NAE1: variants seen among roughly 807,000 people sequenced by gnomAD.
The protein encoded by NAE1 is NEDD8 activating enzyme E1 subunit 1.
Under a neutral mutation model 88.0 loss-of-function variants are expected in NAE1, and 59 were observed. The ratio of observed to expected loss-of-function variants is 0.67; its 90% CI spans 0.54 to 0.83. The LOEUF (loss-of-function observed/expected upper bound fraction) is 0.83, where lower values mean the gene tolerates loss of function less well. NAE1 is among the 40% of genes least tolerant of loss of function. NAE1 has a pLI of 0.00. For missense variants in NAE1, 554 were observed against 632.8 expected (o/e 0.88, Z 1.34); for synonymous variants, 186 against 208.9 (o/e 0.89, Z 0.95).
intron 11 of NAE1, 33 bp from the exon 12 acceptor site, chr16:66,813,879 A>G (rs745397202): frequency 1.3e-6 from 2 of 1,572,316 alleles, no homozygotes; most frequent in African/African-American, 1.4e-5. Flanking sequence ...TTACTTACAC[A>G]GTATTAAGAA....
At chr16:66,813,740 T>C (rs984809228) in intron 12 of NAE1, 43 bp from the exon 13 acceptor site, 1 of 1,611,394 alleles carries the variant, frequency 6.2e-7, no homozygotes, top group African/African-American at 1.3e-5. Flanking sequence ...GCGTTTTACT[T>C]TGACCCAAAG....
chr16:66,817,710 A>G (rs554886377), intron 8 of NAE1, among the ~76,000 whole-genome samples: 2 of 152,210 alleles, frequency 1.3e-5, no homozygotes, highest in Admixed American at 6.5e-5. Context: ...TATACCAGCA[A>G]AACAGTCTCA....
chr16:66,818,314 T>C (rs1456288554), intron 8 of NAE1, among the ~76,000 whole-genome samples: 4 of 152,202 alleles, frequency 2.6e-5, no homozygotes, highest in African/African-American at 9.6e-5. Flanking sequence ...TACACAGATG[T>C]TCAGTATATG....
chr16:66,827,267 T>C (rs1220799602), intron 1 of NAE1, among the ~76,000 whole-genome samples: 2 of 151,998 alleles, frequency 1.3e-5, no homozygotes, highest in African/African-American at 4.8e-5. Context: ...ATTTCATTTA[T>C]TCTTAAATTA....
At position 66,810,425 on chromosome 16, in the gene NAE1, T is replaced by G. The variant is rs200266348; in HGVS notation, c.1111-12A>C. ...ATGGACTCTGGTGCCTGTAAAGAGA[T>G]AAATACAGATTCTGTTCCAGTTTAA... On this transcript the variant is annotated splice_polypyrimidine_tract_variant and intron_variant, in intron 14 of 19. Coordinates refer to ENST00000290810, the MANE Select transcript of NAE1 (RefSeq NM_003905.4). 4.0e-4 allele frequency: 645 copies of G among 1,595,502 alleles called. No homozygotes were observed. Among genetic ancestry groups the G allele is most frequent in the Non-Finnish European group, 5.0e-4 (584 of 1,165,826 alleles).
At chr16:66,816,390 C>T (rs1314292312) in intron 11 of NAE1, among the ~76,000 whole-genome samples, 191 bp downstream of exon 11, 1 of 152,184 alleles carries the variant, frequency 6.6e-6, no homozygotes, top group African/African-American at 2.4e-5. Context: ...GTCTCGAACT[C>T]CTGACCTCAG....
In NAE1 at chr16:66,830,790, G is replaced by A. The variant is rs538698388; in HGVS notation, c.53+57C>T. The A allele has an allele frequency of 2.8e-5, 41 of 1,482,890 alleles. No individual in the cohort carries two copies. In the Middle Eastern group the frequency reaches 7.3e-4, roughly 26 times the overall value. The allele number at this position is 1,482,890 out of a possible 1,614,324, so 91.9% of individuals were successfully genotyped here. Reference sequence around the variant, plus strand: ...CCGCGCCGCCCGCGCCCTTAGGCCCGGCCCGAATGCTGGAAAGCCCGCCGG... The same window carrying A: ...CCGCGCCGCCCGCGCCCTTAGGCCCAGCCCGAATGCTGGAAAGCCCGCCGG... On this transcript the variant is annotated intron_variant, in intron 1 of 19. Transcript: ENST00000290810.
At chr16:66,815,235 T>C (rs1376328911) in intron 11 of NAE1, among the ~76,000 whole-genome samples, 2 of 152,234 alleles carry the variant, frequency 1.3e-5, no homozygotes, top group Non-Finnish European at 2.9e-5. Flanking sequence ...TTATATTCAG[T>C]GAAATACAGA....
At chr16:66,810,263 T>A in intron 15 of NAE1, 111 bp downstream of exon 15, 1 of 820,488 alleles carries the variant, frequency 1.2e-6, no homozygotes, top group South Asian at 1.5e-5. Flanking sequence ...TATATCTATA[T>A]CACTGAGGCC....
At chr16:66,810,803 A>C in intron 13 of NAE1, 31 bp from the exon 14 acceptor site, 16 of 1,588,476 alleles carry the variant, frequency 1.0e-5, no homozygotes, top group Non-Finnish European at 1.4e-5. Flanking sequence ...ATTACTAACA[A>C]ATTTTTAAAT....
At chr16:66,825,866 T>C (rs1041628031) in intron 3 of NAE1, among the ~76,000 whole-genome samples, 2 of 152,170 alleles carry the variant, frequency 1.3e-5, no homozygotes, top group African/African-American at 2.4e-5. Flanking sequence ...TAAGCAAAGA[T>C]AACAAGACTT....
At chr16:66,824,646 T>C in intron 4 of NAE1, 1 of 413,496 alleles carries the variant, frequency 2.4e-6, no homozygotes, top group Non-Finnish European at 4.3e-6. Flanking sequence ...AAGATTTAGC[T>C]TTAATACAGG....
chr16:66,822,062 T>C (rs1377381351), intron 6 of NAE1, among the ~76,000 whole-genome samples: 1 of 152,092 alleles, frequency 6.6e-6, no homozygotes, highest in Non-Finnish European at 1.5e-5. Context: ...ACACAAGGTT[T>C]TGCCATGTTG....
intron 19 of NAE1, among the ~76,000 whole-genome samples, chr16:66,804,246 A>AC (rs72360746): frequency 0.013 from 2,035 of 151,798 alleles, 21 homozygotes; most frequent in Non-Finnish European, 0.022. Context: ...AAAAAACAAA[A>AC]AAAAAAAAAC....
chr16:66,813,341 A>G, intron 13 of NAE1: 1 of 486,714 alleles, frequency 2.1e-6, no homozygotes. Context: ...AAGTCTCACT[A>G]TGTTGCCCAC....
Position 66,816,581 on chromosome 16 carries a change from C to T in NAE1, c.840G>A (p.Gln280=). 2 of 1,595,836 alleles carry T rather than the reference C, an allele frequency of 1.3e-6. No homozygotes were observed. Among genetic ancestry groups the T allele is most frequent in the Non-Finnish European group, 1.7e-6 (2 of 1,164,356 alleles). Residue 280 remains glutamine (Q), a splice_region_variant and synonymous_variant, in exon 11 of 20, where the codon CAG becomes CAA. Transcript: ENST00000290810. The part of the protein sequence containing the change: ...KNVNTALNTT[Q]IPSSIEDIFN... The stretch of plus-strand genomic sequence containing the variant: ...AATCCCTCAGCAACTCTTTCATTAC[C>T]TGAGTTGTATTTAGTGCTGTGTTCA...
chr16:66,818,528 C>CA lies in NAE1; in HGVS notation c.620_621insT (p.Lys207AsnfsTer14), dbSNP rs771249750. 1 of 1,606,704 alleles carries CA rather than the reference C, an allele frequency of 6.2e-7. No individual in the cohort carries two copies. The highest frequency in any genetic ancestry group is 1.7e-5 in the Admixed American group (1 of 58,332). On this transcript the variant is annotated frameshift_variant and splice_region_variant, in exon 8 of 20. Transcript: ENST00000290810. LOFTEE classifies it high-confidence loss of function. ...ATGTAAGGTCACACACACTACCAAC[C>CA]TTTTTTTCCATATGATCCAAATCAT...
At chr16:66,825,150 A>C (rs1247567987) in intron 3 of NAE1, among the ~76,000 whole-genome samples, 1 of 152,222 alleles carries the variant, frequency 6.6e-6, no homozygotes, top group African/African-American at 2.4e-5. Context: ...CTTGGCTAAA[A>C]ACGTTTGGGA....
At chr16:66,805,685 C>A in intron 19 of NAE1, 92 bp downstream of exon 19, 1 of 1,056,800 alleles carries the variant, frequency 9.5e-7, no homozygotes, top group Middle Eastern at 2.2e-4. Context: ...CACTGACCTC[C>A]CTAATTAAAA....
Sources: gnomAD v4.1 joint callset for allele counts (sites outside exome capture counted in the v4.1 genomes callset) on GRCh38, gnomAD v4.1.1 for gene constraint, MANE v1.5 for transcripts, NCBI Gene and HGNC (gene_info 2026-07-23, HGNC 2026-07-21) for gene names.